MTAP: variants seen among roughly 807,000 people sequenced by gnomAD.
MTAP encodes S-methyl-5'-thioadenosine phosphorylase.
MTAP carries 33 observed loss-of-function variants against 33.6 expected under a neutral mutation model. That is an observed-to-expected ratio of 0.98 (90% CI 0.74 to 1.31). The LOEUF is 1.31. MTAP is among the 40% of genes most tolerant of loss of function. The pLI, the probability that MTAP is intolerant of heterozygous loss-of-function variation, is 0.00. For synonymous variants in MTAP, 148 were observed against 125.7 expected (o/e 1.18, Z -1.19); for missense variants, 367 against 360.0 (o/e 1.02, Z -0.16).
chr9:21,872,330 C>T (rs1825949776), intron 1 of MTAP, among the ~76,000 whole-genome samples: 1 of 152,088 alleles, frequency 6.6e-6, no homozygotes, highest in Admixed American at 6.6e-5. Context: ...AACAAACAAC[C>T]ACCAAAAACT....
At chr9:21,934,828 G>A (rs1203927689), downstream of MTAP, 3 of 151,990 alleles carry the variant, frequency 2.0e-5, no homozygotes, top group African/African-American at 7.3e-5. This position sits in a 1 kb window ranked among gnomAD's most constrained non-coding sequence, Gnocchi z 5.0. Flanking sequence ...AGCCTCCTGA[G>A]TAGCTGGGAT....
Position 21,865,041 on chromosome 9 carries a change from G to A in MTAP, c.*3027G>A. ...ATGGGTTAGGAAGTCACGAAATGAGGAGTTCTTGCCACATTTGCAGAGTCC... is the reference window on the plus strand; with the variant it reads ...ATGGGTTAGGAAGTCACGAAATGAGAAGTTCTTGCCACATTTGCAGAGTCC... On this transcript the variant is annotated 3_prime_UTR_variant, in exon 8 of 8. Coordinates refer to ENST00000644715, the MANE Select transcript of MTAP (RefSeq NM_002451.4). 1 of 985,450 alleles carries A rather than the reference G, an allele frequency of 1.0e-6. No individual in the cohort carries two copies. The highest frequency in any genetic ancestry group is 1.2e-6 in the Non-Finnish European group (1 of 829,946). 61.0% of individuals were successfully genotyped at this position (985,450 alleles called of 1,614,324 possible).
intron 4 of MTAP, among the ~76,000 whole-genome samples, chr9:21,831,077 C>T (rs1037187633): frequency 6.6e-6 from 1 of 152,136 alleles, no homozygotes; most frequent in East Asian, 1.9e-4. Context: ...TTTTCTAGCC[C>T]AGTTCTTGTT....
intron 4 of MTAP, 67 bp downstream of exon 4, chr9:21,818,269 G>T (rs1366532872): frequency 6.6e-7 from 1 of 1,504,432 alleles, no homozygotes. Flanking sequence ...TGGACGACGC[G>T]TGGGAACCGG....
In MTAP at chr9:21,816,460, C is replaced by T. The variant is rs551320709; in HGVS notation, c.121-254C>T. Among the ~76,000 whole-genome samples the T allele has an allele frequency of 3.0e-4, 45 of 152,258 alleles. No homozygotes were observed. In the South Asian group the frequency reaches 5.4e-3, roughly 18 times the overall value. On this transcript the variant is annotated intron_variant, in intron 2 of 7. Coordinates refer to ENST00000644715, the MANE Select transcript of MTAP (RefSeq NM_002451.4). ...TACCATCAGAGTTCCCTGGGGTACT[C>T]GTTACAAATAGATCTGACTAAATGG... is the stretch of plus-strand genomic sequence containing the variant.
chr9:21,802,845 G>C, intron 1 of MTAP, 64 bp downstream of exon 1: 2 of 1,598,644 alleles, frequency 1.3e-6, no homozygotes, highest in Non-Finnish European at 1.7e-6. Flanking sequence ...CCCCGCGCCG[G>C]GGGACCGCGC....
intron 1 of MTAP, among the ~76,000 whole-genome samples, chr9:21,923,058 CTCT>C (rs1417402950): frequency 6.6e-6 from 1 of 152,212 alleles, no homozygotes; most frequent in African/African-American, 2.4e-5. Context: ...AAGTCTGTCT[CTCT>C]TCTTTCACTT....
At chr9:21,838,731 A>G (rs1231889838) in intron 5 of MTAP, among the ~76,000 whole-genome samples, 1 of 152,218 alleles carries the variant, frequency 6.6e-6, no homozygotes, top group Non-Finnish European at 1.5e-5. Context: ...CCAAGCAACA[A>G]AAATGGCTAC....
At chr9:21,869,217 A>G (rs370428524), downstream of MTAP, among the ~76,000 whole-genome samples, 16 of 151,982 alleles carry the variant, frequency 1.1e-4, no homozygotes, top group African/African-American at 3.6e-4. Flanking sequence ...CCTGCCTCCA[A>G]TTCCTCTTCT....
intron 4 of MTAP, among the ~76,000 whole-genome samples, chr9:21,834,174 T>C (rs1352402202): frequency 6.6e-6 from 1 of 152,220 alleles, no homozygotes; most frequent in Non-Finnish European, 1.5e-5. Flanking sequence ...GCCAAGCACT[T>C]GCTTCATGTT....
intron 5 of MTAP, among the ~76,000 whole-genome samples, chr9:21,843,755 A>T (rs185228618): frequency 2.0e-4 from 31 of 152,340 alleles, no homozygotes; most frequent in Non-Finnish European, 3.7e-4. Flanking sequence ...AGTGGTGCTA[A>T]TGGGAAAGTT....
At chr9:21,818,317 CT>C (rs35709813) in intron 4 of MTAP, 115 bp downstream of exon 4, 61,693 of 236,080 alleles carry the variant, frequency 0.26, 11,242 homozygotes, top group Admixed American at 0.36. Flanking sequence ...GACTCGCTTG[CT>C]TTTTTTTTTT....
intron 4 of MTAP, among the ~76,000 whole-genome samples, chr9:21,818,643 G>A (rs574688460): frequency 1.3e-5 from 2 of 152,180 alleles, no homozygotes; most frequent in East Asian, 1.9e-4. Context: ...GCTTTTCATT[G>A]TGAGTTTTTG....
In MTAP at chr9:21,865,242, A is replaced by C. The variant is rs921466699; in HGVS notation, c.*3228A>C. 2 of 479,854 alleles carry C rather than the reference A, an allele frequency of 4.2e-6. No homozygotes were observed. The highest frequency in any genetic ancestry group is 5.4e-6 in the Non-Finnish European group (2 of 368,158). 29.7% of individuals were successfully genotyped at this position (479,854 alleles called of 1,614,324 possible). A position where few individuals can be genotyped will look rare whatever the true frequency, so the allele number is the denominator to read the frequency against. On this transcript the variant is annotated 3_prime_UTR_variant, in exon 8 of 8. Transcript: ENST00000644715. ...TCTCACAAGTCCTGTTTGTTTTATA[A>C]GGGGCTTTTCCCCCTTTTGCTCAAC... is the stretch of plus-strand genomic sequence containing the variant.
intron 1 of MTAP, chr9:21,803,027 CACACACACA>C (rs1824101618): frequency 2.9e-6 from 3 of 1,050,440 alleles, no homozygotes; most frequent in African/African-American, 1.8e-5. Flanking sequence ...CACACACACA[CACACACACA>C]CCACCTTTTG....
Position 21,899,746 on chromosome 9 carries a change from G to T in MTAP, c.148-31262G>T, listed in dbSNP as rs577836033. On this transcript the variant is annotated intron_variant, in intron 1 of 1. Coordinates refer to the MTAP transcript ENST00000577563. Reference sequence around the variant, plus strand: ...CTCCACCTGGTCCCGCCCTTGACACGTGGGTATTATGCAGATTACAATTCA... The same window carrying T: ...CTCCACCTGGTCCCGCCCTTGACACTTGGGTATTATGCAGATTACAATTCA... 1.1e-4 allele frequency among the ~76,000 whole-genome samples: 17 copies of T among 152,200 alleles called. No individual in the cohort carries two copies. In the South Asian group the frequency reaches 3.5e-3, roughly 32 times the overall value.
At chr9:21,904,759 C>G (rs1818448356) in intron 1 of MTAP, among the ~76,000 whole-genome samples, 2 of 152,180 alleles carry the variant, frequency 1.3e-5, no homozygotes, top group South Asian at 4.1e-4. Context: ...TTGTCTCGAT[C>G]TACTTAGAAC....
rs182547716 is a variant in MTAP at position 21,922,570 on chromosome 9, T to C, written c.148-8438T>C. ...CAAGAAACAAGTTCTTGCAGACCCA[T>C]ACAGATTCACTGCTGCTAACATACT... is the stretch of plus-strand genomic sequence containing the variant. On this transcript the variant is annotated intron_variant, in intron 1 of 1. Transcript: ENST00000577563. This position sits in a 1 kb window ranked among gnomAD's most constrained non-coding sequence, Gnocchi z 4.8. Among the ~76,000 whole-genome samples the C allele has an allele frequency of 2.6e-5, 4 of 152,282 alleles. No individual in the cohort carries two copies. The highest frequency in any genetic ancestry group is 2.0e-4 in the Admixed American group (3 of 15,300).
chr9:21,829,859 T>C (rs998091223), intron 4 of MTAP, among the ~76,000 whole-genome samples: 1 of 152,248 alleles, frequency 6.6e-6, no homozygotes, highest in South Asian at 2.1e-4. Context: ...TAATGAAATA[T>C]ACTTTTGAAG....
Sources: gnomAD v4.1 joint callset for allele counts (sites outside exome capture counted in the v4.1 genomes callset) on GRCh38, gnomAD v4.1.1 for gene constraint, Gnocchi (gnomAD v3.1) non-coding constraint, MANE v1.5 for transcripts, NCBI Gene and HGNC (gene_info 2026-07-23, HGNC 2026-07-21) for gene names.